Variants in PAPPA observed in about 807,000 individuals in gnomAD.
The protein encoded by PAPPA is pappalysin 1, also known as pappalysin-1.
A neutral mutation model predicts 164.0 loss-of-function variants in PAPPA; 60 were observed. That is an observed-to-expected ratio of 0.37 (90% confidence interval 0.30 to 0.45). The LOEUF is 0.45. Among genes scored for constraint, PAPPA ranks in the 20% least tolerant of loss-of-function variants. The pLI is 1.00. For synonymous variants in PAPPA, 875 were observed against 814.1 expected (o/e 1.07, Z -1.27); for missense variants, 1,782 against 2,087.3 (o/e 0.85, Z 2.85).
At chr9:116,202,774 T>C (rs1564182371) in intron 2 of PAPPA, among the ~76,000 whole-genome samples, 1 of 152,186 alleles carries the variant, frequency 6.6e-6, no homozygotes, top group Non-Finnish European at 1.5e-5. Flanking sequence ...ACACTTCCTG[T>C]GCTATCTGTC....
In PAPPA at chr9:116,187,753, G is replaced by T. The variant is rs762475600; in HGVS notation, c.1015G>T (p.Ala339Ser). The T allele has an allele frequency of 1.1e-5, 17 of 1,614,136 alleles. 1 individual carries two copies. In the South Asian group the frequency reaches 1.6e-4, roughly 16 times the overall value. The change falls in exon 2 of 22, where the codon GCC becomes TCC. Residue 339 changes from alanine to serine, a missense_variant. Transcript: ENST00000328252. The surrounding 1 kb of genome is among the most constrained non-coding windows in gnomAD (Gnocchi z 4.2). ...QTLCDNTEVI[A>S]SYNQLSSFRQ... ...ATTGTGTGACAACACAGAGGTCATT[G>T]CCAGCTACAATCAGCTCTCAAGTTT... is the stretch of plus-strand genomic sequence containing the variant.
intron 2 of PAPPA, among the ~76,000 whole-genome samples, chr9:116,193,820 G>A (rs1015258239): frequency 7.2e-5 from 11 of 152,194 alleles, no homozygotes; most frequent in Non-Finnish European, 2.9e-5. Context: ...GAAGGCAAGA[G>A]GGCAGATGAC....
At chr9:116,364,170 T>C (rs1846468415) in intron 18 of PAPPA, among the ~76,000 whole-genome samples, 1 of 152,232 alleles carries the variant, frequency 6.6e-6, no homozygotes, top group African/African-American at 2.4e-5. Context: ...CCATCATTCC[T>C]GATAGGTGTG....
rs188251176 is a variant in PAPPA, at chr9:116,352,758, G to T, written c.4017G>T (p.Glu1339Asp). ...AGGATGGGCTGTGGTCCTTCCCAGA[G>T]GCCCTGTGTGAGCTCATGTGCCTCG... Reference protein sequence around the residue: ...CMEDGLWSFPEALCELMCLAP... With the variant: ...CMEDGLWSFPDALCELMCLAP... The change falls in exon 16 of 22, where the codon GAG becomes GAT. Residue 1339 changes from glutamate to aspartate, a missense_variant. Glu to Asp is a conservative substitution (Grantham distance 45). This residue lies in a region of PAPPA where 1,324 missense variants were observed against 1,656.9 expected (regional missense o/e 0.80). Transcript: ENST00000328252. 6.2e-7 allele frequency: 1 copy of T among 1,613,650 alleles called. No individual in the cohort carries two copies. The highest frequency in any genetic ancestry group is 1.3e-5 in the African/African-American group (1 of 74,912).
chr9:116,220,717 T>C (rs1280650193), intron 5 of PAPPA, among the ~76,000 whole-genome samples: 4 of 151,378 alleles, frequency 2.6e-5, no homozygotes, highest in Non-Finnish European at 5.9e-5. Context: ...TGAAATCCCA[T>C]CTCTACTAAA....
At chr9:116,395,720 C>T (rs567971548) in intron 21 of PAPPA, among the ~76,000 whole-genome samples, 4 of 152,282 alleles carry the variant, frequency 2.6e-5, no homozygotes, top group Admixed American at 6.5e-5. Context: ...CTCACTTGTT[C>T]GTATGCTAAA....
intron 1 of PAPPA, among the ~76,000 whole-genome samples, chr9:116,170,162 C>T (rs1346714080): frequency 1.3e-5 from 2 of 152,100 alleles, no homozygotes; most frequent in East Asian, 3.9e-4. Flanking sequence ...TGGTGACTTA[C>T]ATGCTGAAAA....
chr9:116,154,593 T>C lies in PAPPA; in HGVS notation c.415+6T>C. 2.2e-6 allele frequency: 3 copies of C among 1,344,782 alleles called. No individual in the cohort carries two copies. Among genetic ancestry groups the C allele is most frequent in the South Asian group, 1.8e-5 (1 of 54,556 alleles). 83.3% of individuals were successfully genotyped at this position (1,344,782 alleles called of 1,614,324 possible). ...GTCTCCGGCAGTGATCACAGGTAGG[T>C]GAGGGCGCCTCGGCGGGCGCTGCAC... On this transcript the variant is annotated splice_donor_region_variant and intron_variant, in intron 1 of 21. Transcript: ENST00000328252. This position sits in a 1 kb window ranked among gnomAD's most constrained non-coding sequence, Gnocchi z 5.2.
At chr9:116,342,445 A>G (rs1173657908) in intron 13 of PAPPA, among the ~76,000 whole-genome samples, 1 of 152,200 alleles carries the variant, frequency 6.6e-6, no homozygotes, top group Non-Finnish European at 1.5e-5. Flanking sequence ...CAAAGCTCCC[A>G]TCAGTGAGGG....
intron 4 of PAPPA, among the ~76,000 whole-genome samples, chr9:116,213,821 C>T (rs372427899): frequency 4.6e-5 from 7 of 152,138 alleles, no homozygotes; most frequent in East Asian, 1.9e-4. Context: ...AAGGCAACCA[C>T]GATCTTTGAA....
chr9:116,224,428 C>T lies in PAPPA; in HGVS notation c.2112-3003C>T, dbSNP rs550779703. Among the ~76,000 whole-genome samples the T allele has an allele frequency of 2.1e-3, 314 of 152,256 alleles. 1 individual carries two copies. The highest frequency in any genetic ancestry group is 7.3e-3 in the African/African-American group (303 of 41,554). On this transcript the variant is annotated intron_variant, in intron 5 of 21. Transcript: ENST00000328252. The stretch of plus-strand genomic sequence containing the variant: ...TGGCCTCAGTTTTCTGATGTGTAAG[C>T]CAAAGATGTTCTAGGCTTTCTCAAC...
chr9:116,285,628 G>A (rs1845329348), intron 9 of PAPPA, among the ~76,000 whole-genome samples: 1 of 152,068 alleles, frequency 6.6e-6, no homozygotes, highest in African/African-American at 2.4e-5. Flanking sequence ...TCCCTCCTCT[G>A]TGCTCCCACA....
chr9:116,387,796 A>G (rs1197221136), intron 21 of PAPPA, among the ~76,000 whole-genome samples: 1 of 152,246 alleles, frequency 6.6e-6, no homozygotes, highest in Non-Finnish European at 1.5e-5. Context: ...CAAGCTGCAC[A>G]GCACCTGCCT....
intron 1 of PAPPA, among the ~76,000 whole-genome samples, chr9:116,159,485 T>C (rs1843639951): frequency 6.6e-6 from 1 of 152,152 alleles, no homozygotes; most frequent in Admixed American, 6.5e-5. Flanking sequence ...TTCAATTTGA[T>C]CTTCTCCTCT....
intron 3 of PAPPA, 93 bp from the exon 4 acceptor site, chr9:116,211,546 G>A: frequency 9.2e-7 from 1 of 1,087,194 alleles, no homozygotes; most frequent in Middle Eastern, 2.2e-4. Context: ...GTTTATTTTG[G>A]GCAGCATCTC....
chr9:116,209,028 T>C (rs1343281112), intron 3 of PAPPA, among the ~76,000 whole-genome samples: 1 of 152,166 alleles, frequency 6.6e-6, no homozygotes, highest in African/African-American at 2.4e-5. Context: ...TGCTGCTACA[T>C]GTCCACAATG....
chr9:116,306,772 G>T, intron 10 of PAPPA, among the ~76,000 whole-genome samples: 1 of 152,170 alleles, frequency 6.6e-6, no homozygotes, highest in African/African-American at 2.4e-5. Flanking sequence ...GCCAAAATGA[G>T]ATGTTGATAT....
chr9:116,235,719 G>C, intron 7 of PAPPA, 82 bp downstream of exon 7: 1 of 1,348,074 alleles, frequency 7.4e-7, no homozygotes, highest in Admixed American at 1.7e-5. Context: ...GGCCTGGACA[G>C]GGGGAAGGTT....
chr9:116,334,692 C>T (rs1038084058), intron 12 of PAPPA, among the ~76,000 whole-genome samples, 169 bp from the exon 13 acceptor site: 10 of 152,114 alleles, frequency 6.6e-5, no homozygotes, highest in African/African-American at 2.4e-4. Flanking sequence ...GAAAAAAAGG[C>T]AGACAAAGAA....
Sources: gnomAD v4.1 joint callset for allele counts (sites outside exome capture counted in the v4.1 genomes callset) on GRCh38, gnomAD v4.1.1 for gene constraint, gnomAD v4.1.1 regional missense constraint, Gnocchi (gnomAD v3.1) non-coding constraint, MANE v1.5 for transcripts, NCBI Gene and HGNC (gene_info 2026-07-23, HGNC 2026-07-21) for gene names.